Variants in PDE1C observed in about 807,000 individuals in gnomAD.
The protein encoded by PDE1C is dual specificity calcium/calmodulin-dependent 3',5'-cyclic nucleotide phosphodiesterase 1C.
In PDE1C, 62 loss-of-function variants were observed where a neutral mutation model predicts 93.1. The observed-to-expected ratio is 0.67, with a 90% CI of 0.54 to 0.82. PDE1C has a LOEUF of 0.82. Ranked by LOEUF, PDE1C falls within the 40% of genes least tolerant of loss-of-function variation. The pLI is 0.00. For synonymous variants in PDE1C, 325 were observed against 310.1 expected, an observed-to-expected ratio of 1.05 and a Z score of -0.50; for missense variants, 742 against 884.6, an observed-to-expected ratio of 0.84 and a Z score of 2.04.
At chr7:31,709,581 T>C in the PDE1C span, among the ~76,000 whole-genome samples, 4 of 152,136 alleles carry the variant, frequency 2.6e-5, no homozygotes, top group African/African-American at 7.2e-5. Flanking sequence ...CCATCAGTTA[T>C]ATGGCCTTAA....
chr7:32,247,155 T>C (rs1368486180), intron 1 of PDE1C, among the ~76,000 whole-genome samples: 1 of 152,216 alleles, frequency 6.6e-6, no homozygotes, highest in African/African-American at 2.4e-5. Context: ...TTTTAACAAA[T>C]GAAGAAAGGT....
intron 2 of PDE1C, among the ~76,000 whole-genome samples, chr7:32,043,160 C>T (rs763423898): frequency 4.6e-5 from 7 of 152,102 alleles, no homozygotes; most frequent in Non-Finnish European, 7.3e-5. Context: ...ACAGGACAGC[C>T]CCTACAGCAA....
chr7:31,621,138 A>G, the PDE1C span, among the ~76,000 whole-genome samples: 1 of 150,858 alleles, frequency 6.6e-6, no homozygotes, highest in African/African-American at 2.4e-5. Flanking sequence ...TGATTGGTGT[A>G]CCTGAAAGTG....
intron 1 of PDE1C, among the ~76,000 whole-genome samples, chr7:32,214,239 T>C (rs1326548561): frequency 1.3e-5 from 2 of 152,090 alleles, no homozygotes; most frequent in Non-Finnish European, 2.9e-5. Flanking sequence ...ATAAAATATG[T>C]TTTAGATTCT....
chr7:32,215,167 G>A (rs1191120278), intron 1 of PDE1C, among the ~76,000 whole-genome samples: 1 of 151,706 alleles, frequency 6.6e-6, no homozygotes, highest in African/African-American at 2.4e-5. Context: ...AGCGGGGACC[G>A]AGCATCACCA....
intron 1 of PDE1C, among the ~76,000 whole-genome samples, chr7:32,360,264 C>T (rs1266569365): frequency 1.3e-5 from 2 of 152,206 alleles, no homozygotes; most frequent in Non-Finnish European, 2.9e-5. Context: ...TATAAAGTGT[C>T]TGGGAGCAAA....
At chr7:32,190,656 G>A (rs748494709) in intron 2 of PDE1C, among the ~76,000 whole-genome samples, 1 of 152,134 alleles carries the variant, frequency 6.6e-6, no homozygotes, top group Non-Finnish European at 1.5e-5. Flanking sequence ...TCTGTTTTCA[G>A]TCCAATTAAA....
intron 2 of PDE1C, among the ~76,000 whole-genome samples, chr7:31,933,073 G>A (rs906617855): frequency 3.3e-5 from 5 of 151,994 alleles, no homozygotes; most frequent in Non-Finnish European, 5.9e-5. Flanking sequence ...CAGGGGTTAA[G>A]GGGCAAGCAG....
the PDE1C span, among the ~76,000 whole-genome samples, chr7:31,662,904 T>G: frequency 6.6e-6 from 1 of 152,202 alleles, no homozygotes; most frequent in Non-Finnish European, 1.5e-5. Flanking sequence ...ACCAAAAATC[T>G]GATTGTGCTG....
chr7:32,124,118 G>A (rs1799443510), intron 3 of PDE1C, among the ~76,000 whole-genome samples: 1 of 152,068 alleles, frequency 6.6e-6, no homozygotes, highest in South Asian at 2.1e-4. Context: ...GCTACAAAGA[G>A]AATAAAATAC....
intron 2 of PDE1C, among the ~76,000 whole-genome samples, chr7:32,208,477 G>A (rs78595819): frequency 1.1e-4 from 16 of 150,612 alleles, no homozygotes; most frequent in East Asian, 9.7e-4. Flanking sequence ...GAGAGGGAAC[G>A]ATGAGGTGAC....
intron 1 of PDE1C, among the ~76,000 whole-genome samples, chr7:32,350,581 TATATATATA>T (rs1429033767): frequency 1.3e-3 from 6 of 4,756 alleles, no homozygotes; most frequent in African/African-American, 4.0e-3. Context: ...TATATATATA[TATATATATA>T]TTTTTTTTTT....
At chr7:31,792,829 C>T (rs1784733394) in intron 16 of PDE1C, among the ~76,000 whole-genome samples, 1 of 152,078 alleles carries the variant, frequency 6.6e-6, no homozygotes, top group Non-Finnish European at 1.5e-5. Flanking sequence ...AGATGCATGA[C>T]TTTTTGAAGG....
At chr7:32,066,413 T>C (rs1795412488) in intron 1 of PDE1C, among the ~76,000 whole-genome samples, 2 of 152,220 alleles carry the variant, frequency 1.3e-5, no homozygotes, top group African/African-American at 2.4e-5. Flanking sequence ...TGGAGTGTTA[T>C]ATAAGCATAA....
chr7:32,003,356 A>G (rs1785728917), intron 2 of PDE1C, among the ~76,000 whole-genome samples: 1 of 152,256 alleles, frequency 6.6e-6, no homozygotes, highest in Non-Finnish European at 1.5e-5. Context: ...CTGCGAATAG[A>G]TGGTGAGATT....
chr7:32,237,978 C>G (rs1808257745), intron 1 of PDE1C, among the ~76,000 whole-genome samples: 1 of 151,754 alleles, frequency 6.6e-6, no homozygotes, highest in Non-Finnish European at 1.5e-5. Context: ...CCATGTTGGT[C>G]AGGCTGGTCT....
chr7:32,283,586 GA>G (rs1166204096), intron 1 of PDE1C, among the ~76,000 whole-genome samples: 4 of 152,190 alleles, frequency 2.6e-5, no homozygotes, highest in African/African-American at 9.7e-5. Context: ...TCCTTAGCAT[GA>G]AAGAAAGCAC....
chr7:32,427,095 T>A (rs1030012253), intron 1 of PDE1C, among the ~76,000 whole-genome samples: 3 of 152,180 alleles, frequency 2.0e-5, no homozygotes, highest in Admixed American at 6.5e-5. Context: ...AACTAAAATT[T>A]TTAAAGTGAG....
At chr7:31,730,607 C>A in the PDE1C span, among the ~76,000 whole-genome samples, 1 of 152,186 alleles carries the variant, frequency 6.6e-6, no homozygotes, top group Non-Finnish European at 1.5e-5. Context: ...TTTTATTTTT[C>A]CGGTTGGAAA....
Sources: allele counts gnomAD v4.1 joint callset (sites outside exome capture counted in the v4.1 genomes callset), GRCh38; gene constraint gnomAD v4.1.1; transcripts MANE v1.5; gene names NCBI Gene and HGNC (gene_info 2026-07-23, HGNC 2026-07-21).